AXIN1: variants seen among roughly 807,000 people sequenced by gnomAD.
AXIN1 encodes axin-1.
In AXIN1, 30 loss-of-function variants were observed where a neutral mutation model predicts 76.4. The ratio of observed to expected loss-of-function variants is 0.39; its 90% CI spans 0.29 to 0.53. The LOEUF is 0.53. Among genes scored for constraint, AXIN1 ranks in the 20% least tolerant of loss-of-function variants. The pLI is 0.66. For missense variants in AXIN1, 1,140 were observed against 1,198.8 expected, an observed-to-expected ratio of 0.95 and a Z score of 0.72; for synonymous variants, 545 against 501.4, an observed-to-expected ratio of 1.09 and a Z score of -1.16.
rs749770288 is a variant in AXIN1 at position 291,286 on chromosome 16, T to A, written c.2198A>T (p.Glu733Val). The A allele has an allele frequency of 1.3e-6, 2 of 1,579,024 alleles. No individual in the cohort carries two copies. Among genetic ancestry groups the A allele is most frequent in the South Asian group, 1.2e-5 (1 of 86,746 alleles). The change falls in exon 9 of 11, where the codon GAG becomes GTG. Residue 733 changes from glutamate to valine, a missense_variant. Glu to Val is a moderately radical substitution (Grantham distance 121, BLOSUM62 -2). This residue lies in a region of AXIN1 where 429 missense variants were observed against 405.8 expected (regional missense o/e 1.06). Coordinates refer to ENST00000262320, the MANE Select transcript of AXIN1 (RefSeq NM_003502.4). ...GCAGGCGCGTCCCCGCCGCATAACC[T>A]CCTGCACATACCTAGGGAACAACCC... ...RAPSKQRYVQEVMRRGRACVR... is the reference protein window; with the variant it reads ...RAPSKQRYVQVVMRRGRACVR...
intron 4 of AXIN1, among the ~76,000 whole-genome samples, chr16:305,309 CA>C (rs1430866796): frequency 3.3e-5 from 5 of 152,258 alleles, no homozygotes; most frequent in African/African-American, 9.6e-5. Flanking sequence ...TCTCTACAAA[CA>C]AAAATTTTTT....
In AXIN1 at chr16:297,321, C is replaced by T. The variant is rs540545091; in HGVS notation, c.1785-95G>A. 3.2e-6 allele frequency: 5 copies of T among 1,540,158 alleles called. No individual in the cohort carries two copies. In the East Asian group the frequency reaches 6.8e-5, roughly 21 times the overall value. ...AGGCCCCCTCCTGGCATCTGTAAGG[C>T]TCCCGTGGTGCAGCCGCCGCCCGCT... is the stretch of plus-strand genomic sequence containing the variant. On this transcript the variant is annotated intron_variant, in intron 6 of 10. Transcript: ENST00000262320.
chr16:348,973 C>A (rs985114536), intron 1 of AXIN1, among the ~76,000 whole-genome samples: 2 of 151,920 alleles, frequency 1.3e-5, no homozygotes, highest in African/African-American at 4.8e-5. Flanking sequence ...TGGTGGGCAC[C>A]TGCAGTCCCA....
rs1182591453 is a variant in AXIN1 at position 287,978 on chromosome 16, T to C, written c.*144A>G. On this transcript the variant is annotated 3_prime_UTR_variant, in exon 11 of 11. Transcript: ENST00000262320. The stretch of plus-strand genomic sequence containing the variant: ...CACTTGGAGGGACCCCCTACCTGCC[T>C]CTAGACACGGGTAGACCACAGGGAT... 8 of 1,426,442 alleles carry C rather than the reference T, an allele frequency of 5.6e-6. No individual in the cohort carries two copies. In the East Asian group the frequency reaches 1.8e-4, roughly 33 times the overall value. The allele number at this position is 1,426,442 out of a possible 1,614,324, so 88.4% of individuals were successfully genotyped here. A position where few individuals can be genotyped will look rare whatever the true frequency, so the allele number is the denominator to read the frequency against.
intron 4 of AXIN1, among the ~76,000 whole-genome samples, chr16:309,225 G>T (rs1012788164): frequency 6.6e-6 from 1 of 152,040 alleles, no homozygotes; most frequent in Non-Finnish European, 1.5e-5. Flanking sequence ...AGCTACTCGG[G>T]AGGCTGAGGC....
intron 3 of AXIN1, among the ~76,000 whole-genome samples, chr16:311,163 G>A (rs1319525606): frequency 6.6e-6 from 1 of 151,826 alleles, no homozygotes; most frequent in East Asian, 2.0e-4. Flanking sequence ...CCGAGTAGCT[G>A]GGACTACAGG....
intron 2 of AXIN1, among the ~76,000 whole-genome samples, chr16:325,240 G>A (rs1372020615): frequency 6.6e-6 from 1 of 152,210 alleles, no homozygotes; most frequent in Non-Finnish European, 1.5e-5. Flanking sequence ...TCCACCTGTC[G>A]CTCGAGGTCA....
chr16:291,091 C>G (rs565001367), intron 9 of AXIN1, 99 bp downstream of exon 9: 235 of 1,167,676 alleles, frequency 2.0e-4, no homozygotes, highest in Non-Finnish European at 2.7e-4. Flanking sequence ...GCGTGGTACC[C>G]GAGCTCAAGC....
In AXIN1 at chr16:333,380, C is replaced by T. The variant is rs186753832; in HGVS notation, c.878+12768G>A. On this transcript the variant is annotated intron_variant, in intron 2 of 10. Coordinates refer to ENST00000262320, the MANE Select transcript of AXIN1 (RefSeq NM_003502.4). ...GTGCTGGTGCCTATAGTCCCAGCTA[C>T]TCTGGAGGCTGAGGCAGGAGGATCG... Among the ~76,000 whole-genome samples the T allele has an allele frequency of 1.5e-4, 23 of 150,950 alleles. 1 individual carries two copies. Among genetic ancestry groups the T allele is most frequent in the Admixed American group, 1.3e-3 (20 of 15,180 alleles).
At chr16:306,779 G>C (rs969208258) in intron 4 of AXIN1, among the ~76,000 whole-genome samples, 4 of 152,238 alleles carry the variant, frequency 2.6e-5, no homozygotes, top group African/African-American at 9.6e-5. Flanking sequence ...GTCACTGCTG[G>C]AGTCTGGGCC....
At chr16:320,006 C>T (rs1363531260) in intron 2 of AXIN1, among the ~76,000 whole-genome samples, 1 of 152,138 alleles carries the variant, frequency 6.6e-6, no homozygotes, top group Admixed American at 6.6e-5. Flanking sequence ...ACAGTTCTTT[C>T]ATTGGTTCCT....
intron 8 of AXIN1, chr16:291,522 A>C: frequency 1.7e-6 from 1 of 598,820 alleles, no homozygotes; most frequent in Non-Finnish European, 3.0e-6. Context: ...TGATCCCGGC[A>C]CCAACCCCCT....
chr16:289,684 G>T, intron 9 of AXIN1, 77 bp from the exon 10 acceptor site: 1 of 1,578,188 alleles, frequency 6.3e-7, no homozygotes, highest in Non-Finnish European at 8.6e-7. Context: ...GCCTCAGGCT[G>T]CCAGTGTAAG....
intron 4 of AXIN1, among the ~76,000 whole-genome samples, chr16:304,855 G>T (rs1368249888): frequency 3.9e-5 from 6 of 152,166 alleles, no homozygotes; most frequent in African/African-American, 1.4e-4. Context: ...TTTAAAGCAA[G>T]AGTTTACTTT....
At chr16:326,370 AAAATAT>A (rs1393812244) in intron 2 of AXIN1, among the ~76,000 whole-genome samples, 4,751 of 92,414 alleles carry the variant, frequency 0.051, 91 homozygotes, top group African/African-American at 0.076. Context: ...AAAAAAAAAA[AAAATAT>A]ATATATATAT....
chr16:328,363 A>G (rs2053622967), intron 2 of AXIN1, among the ~76,000 whole-genome samples: 1 of 152,108 alleles, frequency 6.6e-6, no homozygotes. Context: ...ACTGCATTTC[A>G]GCCTGAGTAA....
chr16:342,568 A>G (rs962602501), intron 2 of AXIN1, among the ~76,000 whole-genome samples: 8 of 152,016 alleles, frequency 5.3e-5, no homozygotes, highest in African/African-American at 1.9e-4. Context: ...CCCACTGGGG[A>G]GCAGCCGTCT....
chr16:295,828 G>A (rs572723322), intron 7 of AXIN1, among the ~76,000 whole-genome samples: 22 of 151,942 alleles, frequency 1.4e-4, no homozygotes, highest in African/African-American at 4.8e-4. Flanking sequence ...TCAGCCGGGC[G>A]TGGTGGCTCA....
At chr16:332,251 A>G (rs568218989) in intron 2 of AXIN1, among the ~76,000 whole-genome samples, 1 of 152,320 alleles carries the variant, frequency 6.6e-6, no homozygotes, top group South Asian at 2.1e-4. Flanking sequence ...AATCACAAGT[A>G]AAGCATATTT....
Sources: gnomAD v4.1 joint callset for allele counts (sites outside exome capture counted in the v4.1 genomes callset) on GRCh38, gnomAD v4.1.1 for gene constraint, gnomAD v4.1.1 regional missense constraint, MANE v1.5 for transcripts, NCBI Gene and HGNC (gene_info 2026-07-23, HGNC 2026-07-21) for gene names.